EDIL3: variants seen among roughly 807,000 people sequenced by gnomAD.
EDIL3 encodes the protein EGF-like repeat and discoidin I-like domain-containing protein 3.
A neutral mutation model predicts 67.4 loss-of-function variants in EDIL3; 37 were observed. The observed-to-expected ratio is 0.55, with a 90% CI of 0.42 to 0.72. The LOEUF (loss-of-function observed/expected upper bound fraction) is 0.72. EDIL3 is among the 30% of genes least tolerant of loss of function. The pLI is 0.00. For synonymous variants in EDIL3, 195 were observed against 196.3 expected (o/e 0.99, Z 0.05); for missense variants, 527 against 586.3 (o/e 0.90, Z 1.04).
intron 9 of EDIL3, among the ~76,000 whole-genome samples, chr5:83,985,548 A>AAACAC (rs1745045001): frequency 6.6e-6 from 1 of 152,074 alleles, no homozygotes; most frequent in Non-Finnish European, 1.5e-5. Context: ...AAATAGGGCC[A>AAACAC]AACACCCTCT....
chr5:84,141,018 C>A (rs1365071979), intron 4 of EDIL3, among the ~76,000 whole-genome samples: 2 of 151,988 alleles, frequency 1.3e-5, no homozygotes, highest in Non-Finnish European at 2.9e-5. Flanking sequence ...AAAACGTTCA[C>A]AGAATATAGT....
At chr5:84,163,329 T>C (rs987940828) in intron 4 of EDIL3, among the ~76,000 whole-genome samples, 1 of 152,132 alleles carries the variant, frequency 6.6e-6, no homozygotes, top group African/African-American at 2.4e-5. Context: ...AGAAAGACTA[T>C]GTTCTCAGAC....
At chr5:83,993,232 G>C (rs1745180825) in intron 9 of EDIL3, among the ~76,000 whole-genome samples, 1 of 152,054 alleles carries the variant, frequency 6.6e-6, no homozygotes, top group South Asian at 2.1e-4. Context: ...GTGTACAGTT[G>C]CCCAAACACA....
At chr5:84,175,607 A>G (rs1476956477) in intron 4 of EDIL3, among the ~76,000 whole-genome samples, 2 of 152,206 alleles carry the variant, frequency 1.3e-5, no homozygotes, top group Non-Finnish European at 2.9e-5. Flanking sequence ...GTTGAAGTGA[A>G]CTGAATTACT....
rs578223808 is a variant in EDIL3, at chr5:84,160,544, C to T, written c.355+19849G>A. 2.6e-5 allele frequency among the ~76,000 whole-genome samples: 4 copies of T among 151,882 alleles called. No individual in the cohort carries two copies. In the East Asian group the frequency reaches 7.7e-4, roughly 29 times the overall value. ...GAATTTTGTGTTTTATTTTTTGCTA[C>T]ATTCCCTCTTCCAGAACAGTGCCTG... On this transcript the variant is annotated intron_variant, in intron 4 of 10. Transcript: ENST00000296591.
At chr5:84,073,398 A>C (rs991845462) in intron 6 of EDIL3, among the ~76,000 whole-genome samples, 5 of 152,186 alleles carry the variant, frequency 3.3e-5, no homozygotes, top group African/African-American at 1.2e-4. Flanking sequence ...GAAAAGAGGA[A>C]GTCAAATTGT....
intron 2 of EDIL3, among the ~76,000 whole-genome samples, chr5:84,241,686 GA>G (rs200180863): frequency 1.0e-3 from 137 of 135,284 alleles, no homozygotes; most frequent in Middle Eastern, 3.7e-3. Context: ...GCACCAACAG[GA>G]AAAAAAAAAA....
At chr5:84,081,629 C>T (rs528460765) in intron 6 of EDIL3, among the ~76,000 whole-genome samples, 1 of 152,048 alleles carries the variant, frequency 6.6e-6, no homozygotes, top group East Asian at 1.9e-4. Flanking sequence ...ATGCTGTGTG[C>T]GAGGCTTGAC....
intron 3 of EDIL3, among the ~76,000 whole-genome samples, chr5:84,214,139 T>C (rs1032222830): frequency 1.3e-5 from 2 of 152,218 alleles, no homozygotes; most frequent in Admixed American, 6.5e-5. Flanking sequence ...TTACTAACAA[T>C]GGCTAAATCA....
intron 9 of EDIL3, among the ~76,000 whole-genome samples, chr5:84,010,608 C>T (rs1745500617): frequency 6.6e-6 from 1 of 152,104 alleles, no homozygotes; most frequent in Non-Finnish European, 1.5e-5. Flanking sequence ...ATTTAATGTG[C>T]ATAATACTGT....
intron 4 of EDIL3, among the ~76,000 whole-genome samples, chr5:84,172,104 G>A (rs1426420616): frequency 6.6e-6 from 1 of 152,118 alleles, no homozygotes; most frequent in Non-Finnish European, 1.5e-5. Context: ...GAGTTAAGGT[G>A]TCTCACACTG....
intron 1 of EDIL3, among the ~76,000 whole-genome samples, chr5:84,380,214 A>C (rs989954620): frequency 3.3e-5 from 5 of 152,112 alleles, no homozygotes; most frequent in Non-Finnish European, 7.4e-5. Flanking sequence ...AAAATAAAAA[A>C]ATCATTTTAG....
intron 2 of EDIL3, among the ~76,000 whole-genome samples, chr5:84,240,464 A>G (rs114898350): frequency 0.012 from 1,797 of 152,260 alleles, 32 homozygotes; most frequent in African/African-American, 0.041. Context: ...ATGAACCGGT[A>G]TGGGTCCCTG....
At chr5:84,074,855 G>A (rs957570008) in intron 6 of EDIL3, among the ~76,000 whole-genome samples, 4 of 152,012 alleles carry the variant, frequency 2.6e-5, no homozygotes, top group Admixed American at 2.6e-4. Context: ...CTGGGTATAT[G>A]CCCAAAGGAC....
At chr5:84,143,362 C>T (rs1331324366) in intron 4 of EDIL3, among the ~76,000 whole-genome samples, 1 of 152,026 alleles carries the variant, frequency 6.6e-6, no homozygotes, top group East Asian at 1.9e-4. Flanking sequence ...CACACACAAA[C>T]CTTTTATAAT....
intron 6 of EDIL3, among the ~76,000 whole-genome samples, chr5:84,069,558 T>G (rs528804843): frequency 1.4e-3 from 207 of 151,274 alleles, no homozygotes; most frequent in African/African-American, 4.0e-3. Flanking sequence ...AAGTTTTTGG[T>G]TTTTTTTTAC....
At chr5:83,968,170 T>C (rs1454731722) in intron 9 of EDIL3, among the ~76,000 whole-genome samples, 3 of 152,106 alleles carry the variant, frequency 2.0e-5, no homozygotes, top group Non-Finnish European at 4.4e-5. Context: ...TGCTAGTTAT[T>C]AGATGTTGGC....
At chr5:84,158,506 T>A (rs1748534748) in intron 4 of EDIL3, among the ~76,000 whole-genome samples, 1 of 151,994 alleles carries the variant, frequency 6.6e-6, no homozygotes, top group South Asian at 2.1e-4. Flanking sequence ...ATTCAGAACA[T>A]CAGCACAGAA....
chr5:84,163,329 T>A (rs987940828), intron 4 of EDIL3, among the ~76,000 whole-genome samples: 5 of 152,132 alleles, frequency 3.3e-5, no homozygotes, highest in Admixed American at 6.6e-5. Flanking sequence ...AGAAAGACTA[T>A]GTTCTCAGAC....
Sources: allele counts gnomAD v4.1 joint callset (sites outside exome capture counted in the v4.1 genomes callset), GRCh38; gene constraint gnomAD v4.1.1; transcripts MANE v1.5; gene names NCBI Gene and HGNC (gene_info 2026-07-23, HGNC 2026-07-21).